Variants in MDGA1 observed in about 807,000 individuals in gnomAD.
MDGA1 encodes MAM domain containing glycosylphosphatidylinositol anchor 1, also known as MAM domain-containing glycosylphosphatidylinositol anchor protein 1.
Under a neutral mutation model 101.5 loss-of-function variants are expected in MDGA1, and 54 were observed. The observed-to-expected ratio is 0.53, with a 90% CI of 0.43 to 0.67. The LOEUF (loss-of-function observed/expected upper bound fraction) is 0.67. Among genes scored for constraint, MDGA1 ranks in the 30% least tolerant of loss-of-function variants. The pLI, the probability that MDGA1 is intolerant of heterozygous loss-of-function variation, is 0.00. For missense variants in MDGA1, 1,083 were observed against 1,323.8 expected (o/e 0.82, Z 2.82); for synonymous variants, 533 against 558.3 (o/e 0.95, Z 0.64).
At chr6:37,689,662 C>T (rs547478093) in intron 1 of MDGA1, among the ~76,000 whole-genome samples, 1 of 152,306 alleles carries the variant, frequency 6.6e-6, no homozygotes, top group East Asian at 1.9e-4. Flanking sequence ...GAGGTCGAGG[C>T]TCTTAACTAC....
chr6:37,649,929 A>G, intron 8 of MDGA1, 180 bp downstream of exon 8: 1 of 755,726 alleles, frequency 1.3e-6, no homozygotes, highest in Non-Finnish European at 2.3e-6. Context: ...GATGAAATGG[A>G]GCAAAGAACA....
At chr6:37,646,100 G>A (rs752478401) in intron 11 of MDGA1, 98 bp downstream of exon 11, 3 of 1,556,722 alleles carry the variant, frequency 1.9e-6, no homozygotes, top group East Asian at 2.3e-5. Context: ...GTAGTACACG[G>A]TGGGGAACCC....
Position 37,652,484 on chromosome 6 carries a change from AC to A in MDGA1, c.983-145del. The A allele has an allele frequency of 1.6e-6, 1 of 616,160 alleles. No homozygotes were observed. The allele number at this position is 616,160 out of a possible 1,614,324, so 38.2% of individuals were successfully genotyped here. A position where few individuals can be genotyped will look rare whatever the true frequency, so the allele number is the denominator to read the frequency against. On this transcript the variant is annotated intron_variant, in intron 6 of 16. Transcript: ENST00000434837. The surrounding 1 kb of genome is among the most constrained non-coding windows in gnomAD (Gnocchi z 4.3). ...TACAACTCCCCCAGGTGAAACTATC[AC>A]TTTTCTCTGCCTGGGAATTGTTTCA... is the stretch of plus-strand genomic sequence containing the variant.
chr6:37,696,651 G>A lies in MDGA1; in HGVS notation c.67+94C>T. 8.1e-7 allele frequency: 1 copy of A among 1,231,156 alleles called. No individual in the cohort carries two copies. The highest frequency in any genetic ancestry group is 1.2e-6 in the Non-Finnish European group (1 of 857,220). 76.3% of individuals were successfully genotyped at this position (1,231,156 alleles called of 1,614,324 possible). The stretch of plus-strand genomic sequence containing the variant: ...GCATCCACTCCAGAGTCCGAGTCGA[G>A]GTCTCCACCAAACCCCGGCAGCGCG... On this transcript the variant is annotated intron_variant, in intron 1 of 16. Transcript: ENST00000434837. The surrounding 1 kb of genome is among the most constrained non-coding windows in gnomAD (Gnocchi z 5.6).
chr6:37,644,457 G>A, intron 13 of MDGA1, 40 bp downstream of exon 13: 1 of 1,501,090 alleles, frequency 6.7e-7, no homozygotes, highest in Middle Eastern at 1.8e-4. Context: ...ACACCCCCCT[G>A]AAGCAATCCT....
Position 37,696,698 on chromosome 6 carries a change from T to A in MDGA1, c.67+47A>T, listed in dbSNP as rs1235405840. ...CGCGCACTTTGCGCCTCTTGCAAAG[T>A]TTCCGCGCGAGGTTAAGCCAAGGTG... is the stretch of plus-strand genomic sequence containing the variant. On this transcript the variant is annotated intron_variant, in intron 1 of 16. Coordinates refer to ENST00000434837, the MANE Select transcript of MDGA1 (RefSeq NM_153487.4). The surrounding 1 kb of genome is among the most constrained non-coding windows in gnomAD (Gnocchi z 5.6). 1 of 1,540,560 alleles carries A rather than the reference T, an allele frequency of 6.5e-7. No homozygotes were observed.
At chr6:37,654,142 G>T in intron 6 of MDGA1, 132 bp downstream of exon 6, 3 of 1,038,440 alleles carry the variant, frequency 2.9e-6, no homozygotes, top group Non-Finnish European at 4.0e-6. Flanking sequence ...GAAGGGCGTG[G>T]AACATCCTCT....
At chr6:37,677,472 T>C (rs376006714) in intron 1 of MDGA1, among the ~76,000 whole-genome samples, 3 of 152,308 alleles carry the variant, frequency 2.0e-5, no homozygotes, top group African/African-American at 7.2e-5. Context: ...TGACCCGAAC[T>C]CCAGCACATC....
chr6:37,665,150 C>A (rs1369149127), intron 1 of MDGA1, among the ~76,000 whole-genome samples: 2 of 152,076 alleles, frequency 1.3e-5, no homozygotes, highest in Admixed American at 6.5e-5. Flanking sequence ...TTGCCAAGGT[C>A]ACAGCCCCTA....
Position 37,696,619 on chromosome 6 carries a change from G to T in MDGA1, c.67+126C>A. 1 of 895,684 alleles carries T rather than the reference G, an allele frequency of 1.1e-6. No homozygotes were observed. Among genetic ancestry groups the T allele is most frequent in the Non-Finnish European group, 1.8e-6 (1 of 563,556 alleles). The allele number at this position is 895,684 out of a possible 1,614,324, so 55.5% of individuals were successfully genotyped here. ...CTCCACGCGCCCTGGAGAGGGCGGGGACGCGGGCATCCACTCCAGAGTCCG... is the reference window on the plus strand; with the variant it reads ...CTCCACGCGCCCTGGAGAGGGCGGGTACGCGGGCATCCACTCCAGAGTCCG... On this transcript the variant is annotated intron_variant, in intron 1 of 16. Transcript: ENST00000434837. The surrounding 1 kb of genome is among the most constrained non-coding windows in gnomAD (Gnocchi z 5.6).
At chr6:37,680,971 T>C (rs1393283968) in intron 1 of MDGA1, among the ~76,000 whole-genome samples, 1 of 148,758 alleles carries the variant, frequency 6.7e-6, no homozygotes, top group African/African-American at 2.5e-5. Flanking sequence ...CCCTGTCCCC[T>C]ACTGGGGCCC....
Position 37,666,191 on chromosome 6 carries a change from C to CA in MDGA1, c.68-2086dup, listed in dbSNP as rs146449734. ...TGAAACCCCGTCTCTACTAAAAATA[C>CA]AAAAAAAAAAAAAAAAAATTTAGCC... On this transcript the variant is annotated intron_variant, in intron 1 of 16. Transcript: ENST00000434837. 5.6e-3 allele frequency among the ~76,000 whole-genome samples: 689 copies of CA among 122,276 alleles called. 7 individuals are homozygous for CA. The highest frequency in any genetic ancestry group is 0.013 in the Middle Eastern group (3 of 226). The allele number at this position is 122,276 out of a possible 152,430, so 80.2% of individuals were successfully genotyped here.
chr6:37,674,002 T>C (rs527300102), intron 1 of MDGA1, among the ~76,000 whole-genome samples: 9 of 152,304 alleles, frequency 5.9e-5, no homozygotes, highest in Non-Finnish European at 7.3e-5. Flanking sequence ...GATTCATTAA[T>C]TGGCTCTGTA....
rs1761295068 is a variant in MDGA1 at position 37,649,127 on chromosome 6, C to T, written c.1749G>A (p.Pro583=). The T allele has an allele frequency of 2.0e-6, 3 of 1,513,284 alleles. No individual in the cohort carries two copies. Among genetic ancestry groups the T allele is most frequent in the Non-Finnish European group, 2.6e-6 (3 of 1,135,108 alleles). The allele number at this position is 1,513,284 out of a possible 1,614,324, so 93.7% of individuals were successfully genotyped here. ...AVWRFKGQLL[P]PPPVVPAAAE... ...CGGCGGCGGGAACAACAGGCGGCGGCGGCAGCAGCTGCCCTTTGAAACGCC... is the reference window on the plus strand; with the variant it reads ...CGGCGGCGGGAACAACAGGCGGCGGTGGCAGCAGCTGCCCTTTGAAACGCC... The change falls in exon 9 of 17, where the codon CCG becomes CCA. Residue 583 remains proline (P), a synonymous_variant. Coordinates refer to ENST00000434837, the MANE Select transcript of MDGA1 (RefSeq NM_153487.4).
intron 1 of MDGA1, among the ~76,000 whole-genome samples, chr6:37,676,206 T>G (rs1045786367): frequency 6.6e-6 from 1 of 152,210 alleles, no homozygotes; most frequent in Non-Finnish European, 1.5e-5. Flanking sequence ...TAGGAGTCTG[T>G]GGCACAGTCG....
rs779649417 is a variant in MDGA1, at chr6:37,638,550, C to T, written c.2654G>A (p.Ser885Asn). Residue 885 changes from serine (S) to asparagine (N), a missense_variant, in exon 15 of 17, where the codon AGT (serine) becomes AAT (asparagine). Physicochemically the swap from Ser to Asn is conservative, Grantham distance 46 (BLOSUM62 1). Coordinates refer to ENST00000434837, the MANE Select transcript of MDGA1 (RefSeq NM_153487.4). This position sits in a 1 kb window ranked among gnomAD's most constrained non-coding sequence, Gnocchi z 4.8. ...CTACGGACTCACCTGGAAGGGCCCA[C>T]TGGGGCTGATGGGCACATGGGCCTG... ...WQQAHVPISPSGPFQIIFEGV... is the reference protein window; with the variant it reads ...WQQAHVPISPNGPFQIIFEGV... 1 of 1,613,986 alleles carries T rather than the reference C, an allele frequency of 6.2e-7. No individual in the cohort carries two copies. Among genetic ancestry groups the T allele is most frequent in the Non-Finnish European group, 8.5e-7 (1 of 1,179,894 alleles).
At chr6:37,660,551 T>C (rs1048531770) in intron 2 of MDGA1, among the ~76,000 whole-genome samples, 14 of 152,220 alleles carry the variant, frequency 9.2e-5, no homozygotes, top group Non-Finnish European at 1.3e-4. Flanking sequence ...GCCAACATTT[T>C]TAAAGACTGT....
chr6:37,672,041 T>C (rs769739582), intron 1 of MDGA1, among the ~76,000 whole-genome samples: 16 of 151,352 alleles, frequency 1.1e-4, no homozygotes, highest in Non-Finnish European at 2.1e-4. Context: ...CTCGGGAGGC[T>C]GAGGTGGGAG....
At chr6:37,685,537 C>A (rs1000071712) in intron 1 of MDGA1, among the ~76,000 whole-genome samples, 4 of 152,178 alleles carry the variant, frequency 2.6e-5, no homozygotes, top group Non-Finnish European at 5.9e-5. Flanking sequence ...GTTAGATCAC[C>A]TCCGGACCAG....
Sources: gnomAD v4.1 joint callset for allele counts (sites outside exome capture counted in the v4.1 genomes callset) on GRCh38, gnomAD v4.1.1 for gene constraint, Gnocchi (gnomAD v3.1) non-coding constraint, MANE v1.5 for transcripts, NCBI Gene and HGNC (gene_info 2026-07-23, HGNC 2026-07-21) for gene names.